The following FARP1 variants were observed in gnomAD, a reference collection of about 807,000 sequenced individuals.
FARP1 encodes the protein FERM, ARHGEF and pleckstrin domain-containing protein 1.
A neutral mutation model predicts 128.8 loss-of-function variants in FARP1; 52 were observed. That is an observed-to-expected ratio of 0.40 (90% CI 0.32 to 0.51). FARP1 has a LOEUF of 0.51. Ranked by LOEUF, FARP1 falls within the 20% of genes least tolerant of loss-of-function variation. The pLI is 0.45. For synonymous variants in FARP1, 580 were observed against 551.8 expected, an observed-to-expected ratio of 1.05 and a Z score of -0.72; for missense variants, 1,333 against 1,367.9, an observed-to-expected ratio of 0.97 and a Z score of 0.40.
rs1437031282 is a variant in FARP1 at position 98,143,235 on chromosome 13, C to A, written c.-281C>A. Reference sequence around the variant, plus strand: ...CCTGCGCGAGTAGCGCTGGCCCCGGCGTCGAGGCGGCCATGGCGACCCGGA... The same window carrying A: ...CCTGCGCGAGTAGCGCTGGCCCCGGAGTCGAGGCGGCCATGGCGACCCGGA... On this transcript the variant is annotated 5_prime_UTR_variant, in exon 1 of 27. Coordinates refer to ENST00000319562, the MANE Select transcript of FARP1 (RefSeq NM_005766.4). 2 of 149,244 alleles carry A rather than the reference C, an allele frequency of 1.3e-5. No individual in the cohort carries two copies. The highest frequency in any genetic ancestry group is 3.0e-5 in the Non-Finnish European group (2 of 66,888). The allele number at this position is 149,244 out of a possible 1,614,324, so 9.2% of individuals were successfully genotyped here.
At chr13:98,278,973 C>T (rs530218190) in intron 2 of FARP1, among the ~76,000 whole-genome samples, 5 of 151,536 alleles carry the variant, frequency 3.3e-5, no homozygotes, top group African/African-American at 1.2e-4. Flanking sequence ...CTACAGGCAC[C>T]TGCCACCACG....
chr13:98,446,314 C>T, intron 25 of FARP1, 109 bp downstream of exon 25: 1 of 710,114 alleles, frequency 1.4e-6, no homozygotes, highest in Non-Finnish European at 2.4e-6. Flanking sequence ...CTCCAGGTGT[C>T]ACGGGGATGA....
chr13:98,254,296 C>T (rs921067542), intron 2 of FARP1, among the ~76,000 whole-genome samples: 8 of 152,282 alleles, frequency 5.3e-5, no homozygotes, highest in South Asian at 4.1e-4. Context: ...TTCTTAGCTC[C>T]GCTCTTAAAA....
At chr13:98,249,143 C>A (rs1358066743) in intron 2 of FARP1, among the ~76,000 whole-genome samples, 1 of 152,134 alleles carries the variant, frequency 6.6e-6, no homozygotes, top group Non-Finnish European at 1.5e-5. Context: ...TTCCCTAGTT[C>A]AGTGGTGACC....
At chr13:98,335,689 C>G (rs1474609564) in intron 2 of FARP1, among the ~76,000 whole-genome samples, 1 of 152,200 alleles carries the variant, frequency 6.6e-6, no homozygotes, top group East Asian at 1.9e-4. Context: ...GCAGCCTCCT[C>G]AAGCCATCAT....
At chr13:98,442,930 C>T (rs1206348325) in intron 24 of FARP1, among the ~76,000 whole-genome samples, 1 of 152,364 alleles carries the variant, frequency 6.6e-6, no homozygotes, top group Middle Eastern at 3.4e-3. Context: ...TACCTGGAGG[C>T]ACCCAGGCCA....
chr13:98,287,338 T>G (rs1343192952), intron 2 of FARP1, among the ~76,000 whole-genome samples: 3 of 148,298 alleles, frequency 2.0e-5, no homozygotes, highest in Middle Eastern at 3.5e-3. Flanking sequence ...CATGCCATTC[T>G]CCTGCCTCAG....
rs1566800990 is a variant in FARP1 at position 98,256,949 on chromosome 13, A to ATATATATATATATATATATATATG, written c.171+43559_171+43560insGTATATATATATATATATATATAT. Among the ~76,000 whole-genome samples the ATATATATATATATATATATATATG allele has an allele frequency of 4.3e-3, 94 of 21,678 alleles. 3 individuals are homozygous for ATATATATATATATATATATATATG. Among genetic ancestry groups the ATATATATATATATATATATATATG allele is most frequent in the Non-Finnish European group, 5.6e-3 (78 of 13,974 alleles). 14.2% of individuals were successfully genotyped at this position (21,678 alleles called of 152,430 possible). A position where few individuals can be genotyped will look rare whatever the true frequency, so the allele number is the denominator to read the frequency against. Reference sequence around the variant, plus strand: ...AATAATTTTCAAAGTATATATGTGGATATATATATATATATATATATATAT... The same window carrying ATATATATATATATATATATATATG: ...AATAATTTTCAAAGTATATATGTGGATATATATATATATATATATATATGTATATATATATATATATATATATAT... On this transcript the variant is annotated intron_variant, in intron 2 of 26. Transcript: ENST00000319562.
At position 98,278,290 on chromosome 13, in the gene FARP1, GTA is replaced by G. The variant is rs751480713; in HGVS notation, c.171+64879_171+64880del. Among the ~76,000 whole-genome samples, 86 of 145,548 alleles carry G rather than the reference GTA, an allele frequency of 5.9e-4. 1 individual carries two copies. The highest frequency in any genetic ancestry group is 2.2e-3 in the African/African-American group (80 of 36,224). On this transcript the variant is annotated intron_variant, in intron 2 of 26. Transcript: ENST00000319562. ...GTGTATATTTTGTGAATGTGTGTAT[GTA>G]TGTGTGTGTGTGTGAGAGTATACTG...
Position 98,435,716 on chromosome 13 carries a change from A to G in FARP1, c.2274+10A>G. 3.7e-6 allele frequency: 6 copies of G among 1,614,008 alleles called. No individual in the cohort carries two copies. Among genetic ancestry groups the G allele is most frequent in the Non-Finnish European group, 5.1e-6 (6 of 1,179,884 alleles). On this transcript the variant is annotated intron_variant, in intron 19 of 26. Coordinates refer to ENST00000319562, the MANE Select transcript of FARP1 (RefSeq NM_005766.4). ...TGTGGTTCCGGGAAGGGTAAGCAGC[A>G]GTGGCCTCACTATGCACTGCGCGGG...
At chr13:98,329,248 A>G (rs1887378058) in intron 2 of FARP1, 1 of 152,222 alleles carries the variant, frequency 6.6e-6, no homozygotes. Flanking sequence ...AAAGAATGTC[A>G]TCTTCTATTT....
intron 2 of FARP1, among the ~76,000 whole-genome samples, chr13:98,272,061 G>A (rs1399241465): frequency 6.7e-6 from 1 of 148,656 alleles, no homozygotes; most frequent in Non-Finnish European, 1.5e-5. Context: ...GTGTAGTCTC[G>A]CTCTGTCTCC....
chr13:98,253,691 T>C (rs1303994530), intron 2 of FARP1, among the ~76,000 whole-genome samples: 1 of 152,222 alleles, frequency 6.6e-6, no homozygotes, highest in Non-Finnish European at 1.5e-5. Flanking sequence ...AAGTCATCGT[T>C]GAGCTCGGTT....
At chr13:98,308,302 G>C (rs1886275399) in intron 2 of FARP1, among the ~76,000 whole-genome samples, 1 of 152,170 alleles carries the variant, frequency 6.6e-6, no homozygotes, top group South Asian at 2.1e-4. Flanking sequence ...TCGATTTCAA[G>C]GTCACCGCTC....
rs574099525 is a variant in FARP1 at position 98,446,764 on chromosome 13, C to T, written c.3003C>T (p.His1001=). The change falls in exon 26 of 27, where the codon CAC becomes CAT. Residue 1001 remains histidine (H), a synonymous_variant. Coordinates refer to ENST00000319562, the MANE Select transcript of FARP1 (RefSeq NM_005766.4). ...NIQKDYVFKL[H]FKSHVYYFRA... ...AGAAAGACTACGTGTTCAAGCTGCA[C>T]TTCAAGTCCCACGTCTACTACTTCA... The T allele has an allele frequency of 1.2e-6, 2 of 1,614,206 alleles. No homozygotes were observed. The highest frequency in any genetic ancestry group is 3.3e-5 in the Admixed American group (2 of 60,032).
chr13:98,446,021 G>T (rs1892810373), intron 24 of FARP1, 77 bp from the exon 25 acceptor site: 1 of 977,092 alleles, frequency 1.0e-6, no homozygotes, highest in Admixed American at 1.9e-5. Flanking sequence ...CAGGGCCCTG[G>T]TGCAGGGAGA....
chr13:98,301,963 T>A (rs1885945175), intron 2 of FARP1, among the ~76,000 whole-genome samples: 1 of 61,808 alleles, frequency 1.6e-5, no homozygotes, highest in African/African-American at 4.4e-5. Context: ...AAATTCATGA[T>A]CATTTTTTTT....
intron 2 of FARP1, among the ~76,000 whole-genome samples, chr13:98,228,616 C>G (rs539494758): frequency 1.6e-4 from 25 of 152,132 alleles, no homozygotes; most frequent in Non-Finnish European, 2.8e-4. Flanking sequence ...TCCATCAGAC[C>G]CTTTAAGGCT....
chr13:98,446,639 C>G (rs779903096), intron 25 of FARP1, 27 bp from the exon 26 acceptor site: 13 of 1,611,746 alleles, frequency 8.1e-6, no homozygotes, highest in Non-Finnish European at 1.1e-5. Context: ...CCCCGAAAAG[C>G]CACTTTGCTT....
Sources: gnomAD v4.1 joint callset for allele counts (sites outside exome capture counted in the v4.1 genomes callset) on GRCh38, gnomAD v4.1.1 for gene constraint, MANE v1.5 for transcripts, NCBI Gene and HGNC (gene_info 2026-07-23, HGNC 2026-07-21) for gene names.